The following AP3B1 variants were observed in gnomAD, a reference collection of about 807,000 sequenced individuals.
AP3B1 encodes adaptor related protein complex 3 subunit beta 1.
In AP3B1, 61 loss-of-function variants were observed where a neutral mutation model predicts 132.5. The ratio of observed to expected loss-of-function variants is 0.46; its 90% CI spans 0.37 to 0.57. The LOEUF (loss-of-function observed/expected upper bound fraction) is 0.57. Ranked by LOEUF, AP3B1 falls within the 20% of genes least tolerant of loss-of-function variation. The probability of loss-of-function intolerance (pLI) is 0.00; values close to 1 mark genes in which losing one functional copy is unlikely to be tolerated. For synonymous variants in AP3B1, 388 were observed against 438.3 expected, an observed-to-expected ratio of 0.89 and a Z score of 1.43; for missense variants, 1,120 against 1,289.4, an observed-to-expected ratio of 0.87 and a Z score of 2.01.
intron 22 of AP3B1, chr5:78,087,798 G>C (rs983146889): frequency 1.8e-5 from 11 of 612,112 alleles, no homozygotes; most frequent in South Asian, 7.3e-5. Context: ...TATTAATAAA[G>C]TAGAAGAGTC....
intron 6 of AP3B1, among the ~76,000 whole-genome samples, chr5:78,220,946 G>C (rs546132421): frequency 1.3e-5 from 2 of 152,248 alleles, no homozygotes; most frequent in South Asian, 2.1e-4. Flanking sequence ...TTACTCAGGA[G>C]GCTGGGACAG....
chr5:78,214,154 T>C (rs566299313), intron 7 of AP3B1, among the ~76,000 whole-genome samples: 149 of 152,320 alleles, frequency 9.8e-4, no homozygotes, highest in African/African-American at 3.2e-3. Flanking sequence ...AGAAATGACT[T>C]AGCCCATTCC....
At chr5:78,076,905 G>T (rs1749790466) in intron 22 of AP3B1, among the ~76,000 whole-genome samples, 1 of 152,088 alleles carries the variant, frequency 6.6e-6, no homozygotes, top group Non-Finnish European at 1.5e-5. Context: ...CGTTTGGCTG[G>T]TTCTAATTTG....
intron 22 of AP3B1, among the ~76,000 whole-genome samples, chr5:78,063,273 C>T (rs1749139060): frequency 1.3e-5 from 2 of 152,140 alleles, no homozygotes; most frequent in Non-Finnish European, 2.9e-5. Context: ...AGCTCATTTC[C>T]ACAGTAATAG....
intron 9 of AP3B1, among the ~76,000 whole-genome samples, chr5:78,176,968 T>A (rs922952263): frequency 7.9e-5 from 12 of 152,166 alleles, no homozygotes; most frequent in Non-Finnish European, 1.6e-4. Context: ...ATACATTGAG[T>A]AAGTCAATCT....
intron 7 of AP3B1, among the ~76,000 whole-genome samples, chr5:78,209,248 C>T (rs558242180): frequency 6.6e-6 from 1 of 152,220 alleles, no homozygotes; most frequent in African/African-American, 2.4e-5. Flanking sequence ...TTACACCCTC[C>T]TCCCTTTTGG....
At chr5:78,258,190 C>A (rs1004430659) in intron 2 of AP3B1, among the ~76,000 whole-genome samples, 1 of 152,150 alleles carries the variant, frequency 6.6e-6, no homozygotes, top group Non-Finnish European at 1.5e-5. Flanking sequence ...AGCTTCTACA[C>A]AGCAAAGGAC....
At chr5:78,294,399 C>T in intron 1 of AP3B1, 53 bp downstream of exon 1, 3 of 1,612,328 alleles carry the variant, frequency 1.9e-6, no homozygotes, top group South Asian at 1.1e-5. Flanking sequence ...GCCCACTCCT[C>T]CGAGTCCGCA....
At chr5:78,103,196 A>T (rs1050511723) in intron 20 of AP3B1, among the ~76,000 whole-genome samples, 3 of 152,202 alleles carry the variant, frequency 2.0e-5, no homozygotes, top group African/African-American at 7.2e-5. Context: ...TAAAGGATCT[A>T]CTATAAAAAT....
At position 78,057,994 on chromosome 5, in the gene AP3B1, T is replaced by C. The variant is rs144990380; in HGVS notation, c.2578-18720A>G. ...AAAAAAGAATTAGCCAGGTAAATAA[T>C]CACAGTATGCGAATCATGTTTTTGC... On this transcript the variant is annotated intron_variant, in intron 22 of 26. Transcript: ENST00000255194. 1.1e-3 allele frequency among the ~76,000 whole-genome samples: 161 copies of C among 152,308 alleles called. 1 individual carries two copies. Among genetic ancestry groups the C allele is most frequent in the African/African-American group, 3.8e-3 (157 of 41,564 alleles).
At chr5:78,165,567 CAT>C in intron 12 of AP3B1, 41 bp downstream of exon 12, 2 of 1,350,726 alleles carry the variant, frequency 1.5e-6, no homozygotes, top group African/African-American at 1.4e-5. Context: ...TAAGACTGAA[CAT>C]ATGTTTTAGA....
intron 2 of AP3B1, among the ~76,000 whole-genome samples, chr5:78,244,059 G>C (rs1360366559): frequency 6.6e-6 from 1 of 152,202 alleles, no homozygotes; most frequent in African/African-American, 2.4e-5. Flanking sequence ...GAATGGGCTA[G>C]ATTTGGGATT....
intron 24 of AP3B1, among the ~76,000 whole-genome samples, chr5:78,027,646 T>C (rs976265638): frequency 6.6e-6 from 1 of 152,176 alleles, no homozygotes; most frequent in Non-Finnish European, 1.5e-5. Context: ...CTGTCTCCCA[T>C]TTAAAAACAC....
intron 9 of AP3B1, among the ~76,000 whole-genome samples, chr5:78,176,295 T>A: frequency 6.6e-6 from 1 of 151,864 alleles, no homozygotes; most frequent in East Asian, 1.9e-4. Context: ...AGGCTTCATG[T>A]GAAAGACCAA....
chr5:78,243,380 C>T (rs748101351), intron 2 of AP3B1, among the ~76,000 whole-genome samples: 2 of 152,124 alleles, frequency 1.3e-5, no homozygotes, highest in Non-Finnish European at 2.9e-5. Flanking sequence ...TTCCGCAGAA[C>T]GTTATTCAAA....
At chr5:78,243,851 T>G (rs977259732) in intron 2 of AP3B1, among the ~76,000 whole-genome samples, 6 of 152,058 alleles carry the variant, frequency 3.9e-5, no homozygotes, top group Non-Finnish European at 5.9e-5. Flanking sequence ...GTAAAATGAG[T>G]TGGCTTTTAC....
At chr5:78,207,289 T>G (rs887794224) in intron 7 of AP3B1, among the ~76,000 whole-genome samples, 13 of 149,110 alleles carry the variant, frequency 8.7e-5, no homozygotes, top group Non-Finnish European at 1.8e-4. Context: ...TTATCAAGTA[T>G]GATGGCACAC....
At chr5:78,007,981 A>C (rs1039369578) in intron 26 of AP3B1, among the ~76,000 whole-genome samples, 2 of 152,206 alleles carry the variant, frequency 1.3e-5, no homozygotes, top group African/African-American at 2.4e-5. Context: ...AAAAATAAAC[A>C]ACCACCATAA....
At chr5:78,040,443 A>T (rs1748027785) in intron 22 of AP3B1, among the ~76,000 whole-genome samples, 2 of 152,126 alleles carry the variant, frequency 1.3e-5, no homozygotes, top group Admixed American at 1.3e-4. Context: ...TATTTGGTAA[A>T]ACAAATATTT....
Sources: allele counts gnomAD v4.1 joint callset (sites outside exome capture counted in the v4.1 genomes callset), GRCh38; gene constraint gnomAD v4.1.1; transcripts MANE v1.5; gene names NCBI Gene and HGNC (gene_info 2026-07-23, HGNC 2026-07-21).